The following CTBP2 variants were observed in gnomAD, a reference collection of about 807,000 sequenced individuals.
CTBP2 encodes the protein C-terminal binding protein 2, also known as C-terminal-binding protein 2.
A neutral mutation model predicts 80.3 loss-of-function variants in CTBP2; 30 were observed. The ratio of observed to expected loss-of-function variants is 0.37; its 90% CI spans 0.28 to 0.51. The LOEUF (loss-of-function observed/expected upper bound fraction) is 0.51, where lower values mean the gene tolerates loss of function less well. Among genes scored for constraint, CTBP2 ranks in the 20% least tolerant of loss-of-function variants. The probability of loss-of-function intolerance (pLI) is 0.93; values close to 1 mark genes in which losing one functional copy is unlikely to be tolerated. For synonymous variants in CTBP2, 594 were observed against 587.4 expected (o/e 1.01, Z -0.16); for missense variants, 1,212 against 1,375.3 (o/e 0.88, Z 1.88).
At chr10:125,121,223 T>A (rs1590914923) in intron 1 of CTBP2, among the ~76,000 whole-genome samples, 1 of 152,342 alleles carries the variant, frequency 6.6e-6, no homozygotes, top group Admixed American at 6.5e-5. Context: ...ACCTCCCTCA[T>A]GGGGCCACAG....
rs1589860312 is a variant in CTBP2 at position 124,985,116 on chromosome 10, A to G, written c.*4402T>C. On this transcript the variant is annotated 3_prime_UTR_variant, in exon 9 of 9. Transcript: ENST00000309035. ...AAATCTGGCAGGATCTGCTCGGGGA[A>G]GTGTTTTCCTGGACCACACACACCT... The G allele has an allele frequency of 1.3e-6, 1 of 741,412 alleles. No homozygotes were observed. The highest frequency in any genetic ancestry group is 2.2e-6 in the Non-Finnish European group (1 of 451,962). 45.9% of individuals were successfully genotyped at this position (741,412 alleles called of 1,614,324 possible).
At chr10:125,113,766 T>G (rs916495330) in intron 1 of CTBP2, among the ~76,000 whole-genome samples, 2 of 152,096 alleles carry the variant, frequency 1.3e-5, no homozygotes, top group Non-Finnish European at 2.9e-5. Flanking sequence ...CATAGTAAAA[T>G]TAAGTAGGAA....
intron 1 of CTBP2, among the ~76,000 whole-genome samples, chr10:125,136,773 C>T (rs1007472689): frequency 1.3e-5 from 2 of 152,230 alleles, no homozygotes; most frequent in East Asian, 1.9e-4. Context: ...TTACAAGACA[C>T]CGTCCAAACG....
At chr10:125,013,119 T>C (rs1045893426) in intron 1 of CTBP2, among the ~76,000 whole-genome samples, 1 of 152,172 alleles carries the variant, frequency 6.6e-6, no homozygotes, top group Non-Finnish European at 1.5e-5. Flanking sequence ...CCACAGCTCC[T>C]AAACTATGAG....
chr10:125,099,831 A>G (rs927525049), intron 2 of CTBP2, among the ~76,000 whole-genome samples: 1 of 152,210 alleles, frequency 6.6e-6, no homozygotes, highest in African/African-American at 2.4e-5. Context: ...GGGGTGATAG[A>G]TAAGACCAGG....
At chr10:125,006,414 T>C (rs1955250341) in intron 1 of CTBP2, among the ~76,000 whole-genome samples, 1 of 152,128 alleles carries the variant, frequency 6.6e-6, no homozygotes, top group South Asian at 2.1e-4. Context: ...GCTGGGACAA[T>C]GCCAAGGTTT....
At chr10:125,095,703 T>C (rs1041610708) in intron 2 of CTBP2, among the ~76,000 whole-genome samples, 9 of 152,230 alleles carry the variant, frequency 5.9e-5, no homozygotes, top group Non-Finnish European at 1.2e-4. Context: ...TGTGATGTCC[T>C]GACCTCAAAA....
chr10:125,119,090 G>A (rs1176644348), intron 1 of CTBP2, among the ~76,000 whole-genome samples: 1 of 152,192 alleles, frequency 6.6e-6, no homozygotes, highest in African/African-American at 2.4e-5. Flanking sequence ...CCTTTCCACA[G>A]GGTATCCCAA....
At chr10:125,069,566 C>A (rs1351024698) in intron 2 of CTBP2, among the ~76,000 whole-genome samples, 7 of 152,186 alleles carry the variant, frequency 4.6e-5, no homozygotes, top group Admixed American at 2.6e-4. Flanking sequence ...TTGTAGTGAG[C>A]CTGAGATCGT....
At chr10:125,002,777 T>TAC (rs1954705717) in intron 3 of CTBP2, among the ~76,000 whole-genome samples, 183 bp downstream of exon 5, 1 of 152,188 alleles carries the variant, frequency 6.6e-6, no homozygotes, top group Non-Finnish European at 1.5e-5. Flanking sequence ...GGGACTATCC[T>TAC]ACCTGTGTCA....
intron 2 of CTBP2, among the ~76,000 whole-genome samples, chr10:125,107,966 T>TA (rs1038213441): frequency 9.8e-5 from 15 of 152,300 alleles, no homozygotes; most frequent in Non-Finnish European, 1.8e-4. Flanking sequence ...ACACTTTTGT[T>TA]AAAAAAAGAT....
At chr10:125,121,898 T>C (rs1854391143) in intron 1 of CTBP2, among the ~76,000 whole-genome samples, 1 of 152,136 alleles carries the variant, frequency 6.6e-6, no homozygotes, top group Non-Finnish European at 1.5e-5. Context: ...ACCACCCAAC[T>C]CTGATGGTCC....
intron 1 of CTBP2, among the ~76,000 whole-genome samples, chr10:125,115,256 G>A (rs1270019243): frequency 6.6e-6 from 1 of 152,160 alleles, no homozygotes; most frequent in African/African-American, 2.4e-5. Flanking sequence ...TGGTTTCCAC[G>A]GGTCTGGCTG....
At chr10:125,014,658 AG>A (rs1956291925) in intron 1 of CTBP2, among the ~76,000 whole-genome samples, 1 of 152,232 alleles carries the variant, frequency 6.6e-6, no homozygotes. Context: ...GCCTCTGGCC[AG>A]GCAGAACTTG....
At chr10:124,991,660 C>T (rs1270185156) in intron 8 of CTBP2, among the ~76,000 whole-genome samples, 10 of 152,140 alleles carry the variant, frequency 6.6e-5, no homozygotes, top group Non-Finnish European at 1.5e-5. Context: ...GGAGGTGCTA[C>T]TGGCATCCCG....
In CTBP2 at chr10:125,026,295, C is replaced by G; in HGVS notation, c.1465G>C (p.Glu489Gln). 6.2e-7 allele frequency: 1 copy of G among 1,613,932 alleles called. No homozygotes were observed. Among genetic ancestry groups the G allele is most frequent in the South Asian group, 1.1e-5 (1 of 91,084 alleles). ...ACGTTGCGCTCCCTCTTTAGCAGCT[C>G]CATGGGCACCGTGTATGCCGTGGAG... is the stretch of plus-strand genomic sequence containing the variant. The change falls in exon 1 of 9, where the codon GAG becomes CAG. Residue 489 changes from glutamate to glutamine, a missense_variant. Glu to Gln is a conservative substitution (Grantham distance 29, BLOSUM62 2). Transcript: ENST00000309035.
At chr10:125,098,750 C>CAGAGAGAGAGAGAGAGAGAGAG (rs1265217140) in intron 2 of CTBP2, among the ~76,000 whole-genome samples, 2 of 75,480 alleles carry the variant, frequency 2.6e-5, no homozygotes, top group Non-Finnish European at 4.8e-5. Context: ...GAGAGAGAGA[C>CAGAGAGAGAGAGAGAGAGAGAG]AGAGAGAGAG....
At chr10:125,059,612 C>T (rs550699816) in intron 2 of CTBP2, among the ~76,000 whole-genome samples, 1 of 152,174 alleles carries the variant, frequency 6.6e-6, no homozygotes, top group South Asian at 2.1e-4. Flanking sequence ...TCACCACCAA[C>T]CCATCCTGAT....
Position 125,049,046 on chromosome 10 carries a change from GACACACACACACACAC to G in CTBP2, c.-101-9907_-101-9892del, listed in dbSNP as rs1178000125. ...GCCTCAATTTGCCCGCCTGACCACA[GACACACACACACACAC>G]ACACACACACACACACACACACACA... On this transcript the variant is annotated intron_variant, in intron 2 of 10. Coordinates refer to the CTBP2 transcript ENST00000337195. Among the ~76,000 whole-genome samples, 241 of 89,738 alleles carry G rather than the reference GACACACACACACACAC, an allele frequency of 2.7e-3. 1 individual carries two copies. Among genetic ancestry groups the G allele is most frequent in the South Asian group, 7.5e-3 (18 of 2,396 alleles). The allele number at this position is 89,738 out of a possible 152,430, so 58.9% of individuals were successfully genotyped here.
Sources: gnomAD v4.1 joint callset for allele counts (sites outside exome capture counted in the v4.1 genomes callset) on GRCh38, gnomAD v4.1.1 for gene constraint, MANE v1.5 for transcripts, NCBI Gene and HGNC (gene_info 2026-07-23, HGNC 2026-07-21) for gene names.